Variants in SYT16 observed in about 807,000 individuals in gnomAD.
The protein encoded by SYT16 is synaptotagmin-16.
SYT16 carries 42 observed loss-of-function variants against 61.4 expected under a neutral mutation model. The observed-to-expected ratio is 0.68, with a 90% CI of 0.53 to 0.89. SYT16 has a LOEUF of 0.89. SYT16 is among the 40% of genes least tolerant of loss of function. The probability of loss-of-function intolerance (pLI) is 0.00; values close to 1 mark genes in which losing one functional copy is unlikely to be tolerated. For missense variants in SYT16, 804 were observed against 807.3 expected (o/e 1.00, Z 0.05); for synonymous variants, 314 against 302.3 (o/e 1.04, Z -0.40).
intron 1 of SYT16, among the ~76,000 whole-genome samples, chr14:61,915,881 C>G (rs557820598): frequency 2.5e-4 from 38 of 152,212 alleles, no homozygotes; most frequent in Non-Finnish European, 4.9e-4. Context: ...CTGCTGACAT[C>G]AGTGCATCAG....
chr14:61,930,736 G>A (rs533526481), intron 1 of SYT16, among the ~76,000 whole-genome samples: 48 of 152,014 alleles, frequency 3.2e-4, no homozygotes, highest in African/African-American at 1.1e-3. Context: ...ATATAATTAC[G>A]AGTCTATGCA....
At chr14:61,885,381 TGA>T (rs1566651727) in intron 1 of SYT16, among the ~76,000 whole-genome samples, 1 of 71,190 alleles carries the variant, frequency 1.4e-5, no homozygotes, top group African/African-American at 6.0e-5. Context: ...ATGGCAGATA[TGA>T]TGATGATGAT....
chr14:61,917,439 TG>T (rs892779160), intron 1 of SYT16, among the ~76,000 whole-genome samples: 3 of 152,058 alleles, frequency 2.0e-5, no homozygotes, highest in African/African-American at 7.2e-5. Flanking sequence ...TAAGATTTTT[TG>T]GGGGGAGCAT....
chr14:61,843,863 C>G (rs2046367243), intron 1 of SYT16, among the ~76,000 whole-genome samples: 1 of 152,024 alleles, frequency 6.6e-6, no homozygotes, highest in Non-Finnish European at 1.5e-5. Flanking sequence ...GCTCTTTTTG[C>G]TTAGGATCAT....
intron 6 of SYT16, among the ~76,000 whole-genome samples, chr14:62,083,612 C>G (rs1397078439): frequency 1.3e-5 from 2 of 152,184 alleles, no homozygotes; most frequent in Non-Finnish European, 2.9e-5. Context: ...TAAACGTGCT[C>G]ATTTGTAATG....
intron 1 of SYT16, among the ~76,000 whole-genome samples, chr14:61,919,214 C>T (rs933998583): frequency 5.0e-4 from 76 of 152,172 alleles, no homozygotes; most frequent in African/African-American, 1.7e-3. Context: ...CTGTTCCCTA[C>T]CCTGTCCCAT....
intron 1 of SYT16, among the ~76,000 whole-genome samples, chr14:61,900,158 C>CTTT (rs5809128): frequency 3.7e-5 from 4 of 106,734 alleles, no homozygotes; most frequent in Admixed American, 9.6e-5. Flanking sequence ...TAAATTTCTG[C>CTTT]TTTTTTTTTT....
chr14:62,094,980 G>C (rs1054131161), intron 7 of SYT16, among the ~76,000 whole-genome samples: 1 of 151,826 alleles, frequency 6.6e-6, no homozygotes, highest in Non-Finnish European at 1.5e-5. Flanking sequence ...TAGAGTACTG[G>C]GGCTCTCTCT....
intron 1 of SYT16, among the ~76,000 whole-genome samples, chr14:61,857,681 G>A (rs8003890): frequency 6.6e-6 from 1 of 152,006 alleles, no homozygotes; most frequent in Non-Finnish European, 1.5e-5. Flanking sequence ...AGCATGTACA[G>A]TGATAGGAAT....
rs1358151882 is a variant in SYT16, at chr14:61,912,758, A to G, written c.-324-57374A>G. 2.0e-5 allele frequency among the ~76,000 whole-genome samples: 3 copies of G among 152,184 alleles called. No individual in the cohort carries two copies. In the South Asian group the frequency reaches 6.2e-4, roughly 32 times the overall value. On this transcript the variant is annotated intron_variant, in intron 1 of 7. Transcript: ENST00000683842. ...CTATCCATTCATCTCTCCATCAAAC[A>G]TATCATTCCCCCACATACAAAACAT...
chr14:61,936,294 A>G (rs966591519), intron 1 of SYT16, among the ~76,000 whole-genome samples: 2 of 152,142 alleles, frequency 1.3e-5, no homozygotes, highest in African/African-American at 4.8e-5. Context: ...ATGAGGAGTC[A>G]TCATTTTCTG....
intron 1 of SYT16, among the ~76,000 whole-genome samples, chr14:61,891,242 G>GCGCA (rs1555353030): frequency 0.019 from 2,767 of 147,882 alleles, 41 homozygotes; most frequent in Non-Finnish European, 0.027. Flanking sequence ...ACACACACGC[G>GCGCA]CACACACACA....
At chr14:62,029,581 C>G (rs2054233391) in intron 3 of SYT16, among the ~76,000 whole-genome samples, 1 of 152,068 alleles carries the variant, frequency 6.6e-6, no homozygotes, top group Non-Finnish European at 1.5e-5. Context: ...CTTTGAAATC[C>G]TCATTTAAAT....
chr14:62,050,376 A>G (rs1246402604), intron 3 of SYT16, among the ~76,000 whole-genome samples: 1 of 151,724 alleles, frequency 6.6e-6, no homozygotes, highest in East Asian at 1.9e-4. Context: ...CATTCGTCCA[A>G]TTTTTTTTCA....
chr14:61,960,276 A>G (rs1257391705), intron 1 of SYT16, among the ~76,000 whole-genome samples: 3 of 152,182 alleles, frequency 2.0e-5, no homozygotes, highest in Non-Finnish European at 4.4e-5. Flanking sequence ...CATTGAATCT[A>G]TAAATTGCTT....
At chr14:62,083,289 A>G (rs1037756465) in intron 6 of SYT16, among the ~76,000 whole-genome samples, 2 of 152,198 alleles carry the variant, frequency 1.3e-5, no homozygotes, top group African/African-American at 4.8e-5. Flanking sequence ...GATTTCAAAC[A>G]TTGAGAAGAA....
rs763887935 is a variant in SYT16, at chr14:62,081,174, G to A, written c.1334G>A (p.Arg445Gln). Residue 445 changes from arginine to glutamine, a missense_variant, in exon 6 of 8, where the codon CGA (arginine) becomes CAA (glutamine). By Grantham distance (43) the Arg-to-Gln change is conservative. Transcript: ENST00000683842. ...CTGTACGCTGCCCGGAAGATGACCC[G>A]AGAGAGAATGATGGGAGAGAAACTA... ...FRLYAARKMTRERMMGEKLFY... is the reference protein window; with the variant it reads ...FRLYAARKMTQERMMGEKLFY... The A allele has an allele frequency of 1.8e-5, 29 of 1,613,924 alleles. No individual in the cohort carries two copies. Among genetic ancestry groups the A allele is most frequent in the South Asian group, 5.5e-5 (5 of 91,042 alleles).
Position 61,996,187 on chromosome 14 carries a change from C to A in SYT16, c.168C>A (p.Asp56Glu), listed in dbSNP as rs1489861085. 1 of 1,613,424 alleles carries A rather than the reference C, an allele frequency of 6.2e-7. No homozygotes were observed. Among genetic ancestry groups the A allele is most frequent in the African/African-American group, 1.3e-5 (1 of 74,980 alleles). The change falls in exon 3 of 8, where the codon GAC becomes GAA. Residue 56 changes from aspartate to glutamate, a missense_variant. Asp to Glu is a conservative substitution (Grantham distance 45). Coordinates refer to ENST00000683842, the MANE Select transcript of SYT16 (RefSeq NM_001367656.1). The part of the protein sequence containing the change: ...DSKLSDKLDQ[D>E]LDNIQIQETY... ...AATTGAGTGACAAACTAGATCAGGACTTAGATAATATTCAGATTCAGGAAA... is the reference window on the plus strand; with the variant it reads ...AATTGAGTGACAAACTAGATCAGGAATTAGATAATATTCAGATTCAGGAAA...
At chr14:61,879,500 C>T (rs1046879322) in intron 1 of SYT16, among the ~76,000 whole-genome samples, 17 of 152,102 alleles carry the variant, frequency 1.1e-4, no homozygotes, top group African/African-American at 3.9e-4. Flanking sequence ...ATTTTAGGAC[C>T]CAGATAATAA....
Sources: gnomAD v4.1 joint callset for allele counts (sites outside exome capture counted in the v4.1 genomes callset) on GRCh38, gnomAD v4.1.1 for gene constraint, MANE v1.5 for transcripts, NCBI Gene and HGNC (gene_info 2026-07-23, HGNC 2026-07-21) for gene names.